The following PDE11A variants were observed in gnomAD, a reference collection of about 807,000 sequenced individuals.
PDE11A encodes dual 3',5'-cyclic-AMP and -GMP phosphodiesterase 11A.
A neutral mutation model predicts 100.5 loss-of-function variants in PDE11A; 100 were observed. The observed-to-expected ratio is 1.00, with a 90% CI of 0.85 to 1.18. PDE11A has a LOEUF of 1.18. Among genes scored for constraint, PDE11A ranks in the 50% most tolerant of loss-of-function variants. The pLI is 0.00. For synonymous variants in PDE11A, 381 were observed against 420.8 expected (o/e 0.91, Z 1.16); for missense variants, 1,141 against 1,152.6 (o/e 0.99, Z 0.15).
At chr2:177,767,033 T>C (rs988591079) in intron 10 of PDE11A, among the ~76,000 whole-genome samples, 2 of 152,200 alleles carry the variant, frequency 1.3e-5, no homozygotes, top group Admixed American at 1.3e-4. Flanking sequence ...TTGGTGCCTT[T>C]AGAAAGTAAA....
intron 2 of PDE11A, among the ~76,000 whole-genome samples, chr2:177,996,112 A>G (rs1412126816): frequency 6.6e-6 from 1 of 152,048 alleles, no homozygotes; most frequent in Non-Finnish European, 1.5e-5. Flanking sequence ...CCATAATCCC[A>G]GCTACTTGGG....
chr2:177,701,094 G>T, intron 14 of PDE11A, 27 bp downstream of exon 14: 2 of 1,267,896 alleles, frequency 1.6e-6, no homozygotes, highest in Non-Finnish European at 2.3e-6. Context: ...TTCTGTTAAG[G>T]GGAGAAGCAG....
At chr2:177,987,690 G>T (rs1332451804) in intron 2 of PDE11A, among the ~76,000 whole-genome samples, 1 of 151,306 alleles carries the variant, frequency 6.6e-6, no homozygotes, top group Non-Finnish European at 1.5e-5. Context: ...CATGACTATT[G>T]CATTAAAAAT....
In PDE11A at chr2:177,688,805, A is replaced by G. The variant is rs186605114; in HGVS notation, c.2346-7902T>C. 2.8e-4 allele frequency among the ~76,000 whole-genome samples: 42 copies of G among 152,370 alleles called. No individual in the cohort carries two copies. The East Asian group carries it at 2.9e-3, about 10-fold the overall frequency. On this transcript the variant is annotated intron_variant, in intron 15 of 19. Coordinates refer to ENST00000286063, the MANE Select transcript of PDE11A (RefSeq NM_016953.4). ...AAATTACCTTCAAAAATAATTCTAAAGATTGGTTACCAGTCACCCATCACC... is the reference window on the plus strand; with the variant it reads ...AAATTACCTTCAAAAATAATTCTAAGGATTGGTTACCAGTCACCCATCACC...
At chr2:177,657,971 G>A (rs1175903021) in intron 19 of PDE11A, among the ~76,000 whole-genome samples, 1 of 152,136 alleles carries the variant, frequency 6.6e-6, no homozygotes, top group African/African-American at 2.4e-5. Context: ...AGCTGCTGGG[G>A]GTGGTGAAGG....
intron 18 of PDE11A, among the ~76,000 whole-genome samples, chr2:177,668,802 A>C (rs2080628822): frequency 6.6e-6 from 1 of 152,196 alleles, no homozygotes; most frequent in South Asian, 2.1e-4. Flanking sequence ...GCTAGGCTTT[A>C]AAATGCTTTG....
At position 178,014,479 on chromosome 2, in the gene PDE11A, A is replaced by C. The variant is rs1301016161; in HGVS notation, c.913-19T>G. On this transcript the variant is annotated intron_variant, in intron 1 of 19. Transcript: ENST00000286063. ...GTCGATCCTAAAAATAAGACAAAGA[A>C]AGCATTAACTGCATGTGCATTGTTG... 1 of 1,603,442 alleles carries C rather than the reference A, an allele frequency of 6.2e-7. No individual in the cohort carries two copies. The highest frequency in any genetic ancestry group is 8.5e-7 in the Non-Finnish European group (1 of 1,170,894).
chr2:177,654,899 A>G (rs1044680891), intron 19 of PDE11A, among the ~76,000 whole-genome samples: 2 of 151,806 alleles, frequency 1.3e-5, no homozygotes, highest in Middle Eastern at 3.4e-3. Flanking sequence ...AGAGAGGCTC[A>G]TGAAGAAAAG....
chr2:177,700,022 T>C (rs1438754097), intron 14 of PDE11A, among the ~76,000 whole-genome samples: 2 of 152,190 alleles, frequency 1.3e-5, no homozygotes, highest in South Asian at 2.1e-4. Flanking sequence ...ACCAAAGTTC[T>C]TCCATAGTTC....
chr2:178,104,097 C>A (rs182142215), intron 2 of PDE11A, among the ~76,000 whole-genome samples: 1 of 152,110 alleles, frequency 6.6e-6, no homozygotes, highest in Non-Finnish European at 1.5e-5. Flanking sequence ...AAAACCTATG[C>A]CATACAAGAT....
intron 3 of PDE11A, among the ~76,000 whole-genome samples, chr2:177,899,136 A>C (rs960241059): frequency 3.9e-5 from 6 of 152,206 alleles, no homozygotes; most frequent in Admixed American, 6.5e-5. Flanking sequence ...GGCCGGGCGC[A>C]GTGGCTCATG....
Position 177,817,841 on chromosome 2 carries a change from T to A in PDE11A, c.1644+17A>T. ...ACTATTGATGACTCCACTTGGTTTA[T>A]AAATTTATTTTCTTACCTCAAAAAG... On this transcript the variant is annotated intron_variant, in intron 8 of 19. Transcript: ENST00000286063. 7.7e-7 allele frequency: 1 copy of A among 1,295,702 alleles called. No homozygotes were observed. Among genetic ancestry groups the A allele is most frequent in the Non-Finnish European group, 1.1e-6 (1 of 891,900 alleles). The allele number at this position is 1,295,702 out of a possible 1,614,324, so 80.3% of individuals were successfully genotyped here. A position where few individuals can be genotyped will look rare whatever the true frequency, so the allele number is the denominator to read the frequency against.
intron 5 of PDE11A, among the ~76,000 whole-genome samples, chr2:177,862,533 T>G (rs1202255124): frequency 1.3e-5 from 2 of 151,842 alleles, no homozygotes; most frequent in East Asian, 1.9e-4. Context: ...CAGTAGCATT[T>G]TTATATACAA....
intron 5 of PDE11A, among the ~76,000 whole-genome samples, chr2:177,860,161 A>G (rs532952349): frequency 5.2e-4 from 79 of 151,922 alleles, no homozygotes; most frequent in African/African-American, 1.9e-3. Flanking sequence ...AGAGAAAATC[A>G]ACAAAACAAA....
chr2:178,102,428 GTTTTTTTTTTTTTT>G (rs769341186), intron 2 of PDE11A, among the ~76,000 whole-genome samples: 52 of 55,370 alleles, frequency 9.4e-4, no homozygotes, highest in African/African-American at 3.6e-3. Context: ...CCTGGTCTAA[GTTTTTTTTTTTTTT>G]TTTTTTTTTT....
At chr2:177,756,286 A>T (rs2082089905) in intron 10 of PDE11A, among the ~76,000 whole-genome samples, 1 of 152,182 alleles carries the variant, frequency 6.6e-6, no homozygotes, top group African/African-American at 2.4e-5. Context: ...ACCGGAGTAA[A>T]GCTGTTTTCA....
intron 2 of PDE11A, among the ~76,000 whole-genome samples, chr2:178,006,178 A>G (rs1026557893): frequency 6.6e-6 from 1 of 152,212 alleles, no homozygotes. Context: ...TTCTCAATAA[A>G]TGTTACTCAA....
Position 177,795,001 on chromosome 2 carries a change from G to A in PDE11A, c.1737+21828C>T, listed in dbSNP as rs183247149. Among the ~76,000 whole-genome samples, 314 of 152,222 alleles carry A rather than the reference G, an allele frequency of 2.1e-3. 1 individual carries two copies. Among genetic ancestry groups the A allele is most frequent in the African/African-American group, 7.2e-3 (298 of 41,540 alleles). On this transcript the variant is annotated intron_variant, in intron 9 of 19. Coordinates refer to ENST00000286063, the MANE Select transcript of PDE11A (RefSeq NM_016953.4). ...GAGGTTTCACTATGTTGACCAGGCT[G>A]GTCTTGAACTCCTGACCTCATGATC... is the stretch of plus-strand genomic sequence containing the variant.
intron 10 of PDE11A, among the ~76,000 whole-genome samples, chr2:177,734,785 G>A (rs2081748545): frequency 6.6e-6 from 1 of 152,196 alleles, no homozygotes; most frequent in African/African-American, 2.4e-5. Context: ...TTGGAAATAG[G>A]AAATAGTAAG....
Sources: gnomAD v4.1 joint callset for allele counts (sites outside exome capture counted in the v4.1 genomes callset) on GRCh38, gnomAD v4.1.1 for gene constraint, MANE v1.5 for transcripts, NCBI Gene and HGNC (gene_info 2026-07-23, HGNC 2026-07-21) for gene names.